RBM39: variants seen among roughly 807,000 people sequenced by gnomAD.
RBM39 encodes the protein RNA-binding protein 39.
RBM39 carries 12 observed loss-of-function variants against 79.6 expected under a neutral mutation model. That is an observed-to-expected ratio of 0.15 (90% confidence interval 0.10 to 0.24). The LOEUF (loss-of-function observed/expected upper bound fraction) is 0.24. Among genes scored for constraint, RBM39 ranks in the 10% least tolerant of loss-of-function variants. RBM39 has a pLI of 1.00. For synonymous variants in RBM39, 185 were observed against 208.4 expected (o/e 0.89, Z 0.97); for missense variants, 243 against 653.4 (o/e 0.37, Z 6.85).
intron 11 of RBM39, 134 bp downstream of exon 11, chr20:35,714,051 A>C (rs187803555): frequency 1.3e-6 from 1 of 771,984 alleles, no homozygotes; most frequent in Non-Finnish European, 2.1e-6. Flanking sequence ...ATAAAATAAT[A>C]TGCAGTGTGA....
Position 35,707,778 on chromosome 20 carries a change from C to T in RBM39, c.1226-577G>A, listed in dbSNP as rs370933641. On this transcript the variant is annotated intron_variant, in intron 13 of 16. Coordinates refer to ENST00000253363, the MANE Select transcript of RBM39 (RefSeq NM_184234.3). ...AAATCAAATGTTTTAAAAATGTTTT[C>T]GCACAATAAAAGAACACTGAAAAGA... 291 of 273,794 alleles carry T rather than the reference C, an allele frequency of 1.1e-3. 7 individuals carry two copies. The highest frequency in any genetic ancestry group is 8.9e-3 in the South Asian group (280 of 31,480). The allele number at this position is 273,794 out of a possible 1,614,324, so 17.0% of individuals were successfully genotyped here.
At chr20:35,724,885 T>C (rs369912350) in intron 7 of RBM39, among the ~76,000 whole-genome samples, 153 bp downstream of exon 7, 12 of 152,250 alleles carry the variant, frequency 7.9e-5, no homozygotes, top group African/African-American at 2.2e-4. Context: ...AACAAATTTG[T>C]AGTAACATTT....
chr20:35,724,766 A>C (rs988997167), intron 7 of RBM39, 44 bp from the exon 8 acceptor site: 11 of 1,590,456 alleles, frequency 6.9e-6, no homozygotes, highest in Non-Finnish European at 9.5e-6. Context: ...CCATTGTAAC[A>C]CATGTAGAAT....
intron 9 of RBM39, among the ~76,000 whole-genome samples, chr20:35,719,010 T>C (rs972496914): frequency 1.3e-5 from 2 of 152,032 alleles, no homozygotes; most frequent in African/African-American, 4.8e-5. Context: ...GGGCTTCTTA[T>C]TAAAGCTGCT....
chr20:35,725,653 TTTTC>T (rs1223174985), intron 6 of RBM39, among the ~76,000 whole-genome samples: 3 of 146,200 alleles, frequency 2.1e-5, no homozygotes, highest in African/African-American at 7.9e-5. Flanking sequence ...CCCAAACCCA[TTTTC>T]TTTTTTTTTT....
chr20:35,739,155 C>G, intron 2 of RBM39, 138 bp from the exon 3 acceptor site: 2 of 786,754 alleles, frequency 2.5e-6, no homozygotes, highest in Non-Finnish European at 4.2e-6. Flanking sequence ...ACATGGAAGG[C>G]TATAAAAAAA....
chr20:35,708,069 G>A (rs191441659), intron 13 of RBM39: 11 of 291,026 alleles, frequency 3.8e-5, no homozygotes, highest in South Asian at 5.7e-5. Flanking sequence ...ATATTACACC[G>A]AGAAATTAGG....
At chr20:35,738,016 G>C (rs990097823) in intron 3 of RBM39, among the ~76,000 whole-genome samples, 5 of 151,978 alleles carry the variant, frequency 3.3e-5, no homozygotes, top group Middle Eastern at 6.8e-3. Context: ...AATTAGCCAG[G>C]CGTGATGGCG....
chr20:35,712,646 A>G (rs980197536), intron 12 of RBM39, among the ~76,000 whole-genome samples: 1 of 152,072 alleles, frequency 6.6e-6, no homozygotes, highest in African/African-American at 2.4e-5. Flanking sequence ...TCTTACTACT[A>G]CAATAGTTTT....
intron 6 of RBM39, among the ~76,000 whole-genome samples, chr20:35,726,464 C>A (rs1031460093): frequency 6.6e-6 from 1 of 152,100 alleles, no homozygotes; most frequent in Non-Finnish European, 1.5e-5. Flanking sequence ...CAAGGGTCAA[C>A]CAGAAGCCTG....
intron 6 of RBM39, 148 bp from the exon 7 acceptor site, chr20:35,725,303 A>C (rs2038516835): frequency 1.7e-6 from 1 of 582,640 alleles, no homozygotes; most frequent in East Asian, 2.9e-5. Flanking sequence ...GAATTCTGAG[A>C]TTTTAGTGTA....
intron 4 of RBM39, chr20:35,731,233 TAA>T (rs912694065): frequency 6.6e-6 from 1 of 152,322 alleles, no homozygotes; most frequent in African/African-American, 2.4e-5. Flanking sequence ...CATAAAGCAT[TAA>T]AGATTGCTAG....
intron 15 of RBM39, 48 bp from the exon 16 acceptor site, chr20:35,704,794 T>C (rs759718608): frequency 6.5e-7 from 1 of 1,530,594 alleles, no homozygotes; most frequent in Non-Finnish European, 9.0e-7. Flanking sequence ...GTATGCAAAA[T>C]GGACCCAAGT....
intron 8 of RBM39, 107 bp downstream of exon 8, chr20:35,724,463 G>T (rs1410779175): frequency 2.1e-6 from 2 of 967,334 alleles, no homozygotes; most frequent in South Asian, 3.1e-5. Flanking sequence ...GAAAACATCC[G>T]ACTCAACGTA....
chr20:35,716,611 C>A, intron 10 of RBM39, 129 bp downstream of exon 10: 2 of 682,830 alleles, frequency 2.9e-6, no homozygotes, highest in Admixed American at 2.9e-5. Context: ...GTCCTGTAAT[C>A]CCAGCAGTTT....
intron 9 of RBM39, 78 bp from the exon 10 acceptor site, chr20:35,716,883 A>G: frequency 2.1e-6 from 2 of 953,772 alleles, no homozygotes; most frequent in Non-Finnish European, 3.2e-6. Flanking sequence ...ATGGTTTTAA[A>G]AATCTACCAG....
At chr20:35,705,394 G>T (rs946330455) in intron 14 of RBM39, 64 bp from the exon 15 acceptor site, 45 of 912,112 alleles carry the variant, frequency 4.9e-5, no homozygotes, top group Non-Finnish European at 7.4e-5. Context: ...ATTTACAAAT[G>T]TATCAAAAAA....
chr20:35,741,284 T>A (rs1193836733), intron 1 of RBM39, among the ~76,000 whole-genome samples: 1 of 151,826 alleles, frequency 6.6e-6, no homozygotes, highest in Non-Finnish European at 1.5e-5. Context: ...TCCGCCTGCC[T>A]CTGCCTCCCA....
At chr20:35,718,835 A>AAAT (rs1330332352) in intron 9 of RBM39, among the ~76,000 whole-genome samples, 1 of 150,338 alleles carries the variant, frequency 6.7e-6, no homozygotes, top group Admixed American at 6.6e-5. Flanking sequence ...AAAAAAAAAA[A>AAAT]AGCCAGGCAT....
Sources: gnomAD v4.1 joint callset for allele counts (sites outside exome capture counted in the v4.1 genomes callset) on GRCh38, gnomAD v4.1.1 for gene constraint, MANE v1.5 for transcripts, NCBI Gene and HGNC (gene_info 2026-07-23, HGNC 2026-07-21) for gene names.